MRPS31: variants seen among roughly 807,000 people sequenced by gnomAD.
The protein encoded by MRPS31 is small ribosomal subunit protein mS31.
A neutral mutation model predicts 43.1 loss-of-function variants in MRPS31; 32 were observed. The observed-to-expected ratio is 0.74, with a 90% confidence interval of 0.56 to 1.00. The LOEUF is 1.00. MRPS31 is among the 50% of genes least tolerant of loss of function. The probability of loss-of-function intolerance (pLI) is 0.00; values close to 1 mark genes in which losing one functional copy is unlikely to be tolerated. For missense variants in MRPS31, 437 were observed against 466.7 expected, an observed-to-expected ratio of 0.94 and a Z score of 0.59; for synonymous variants, 165 against 161.6, an observed-to-expected ratio of 1.02 and a Z score of -0.16.
intron 3 of MRPS31, among the ~76,000 whole-genome samples, chr13:40,757,264 G>A (rs376082203): frequency 7.9e-5 from 12 of 152,200 alleles, no homozygotes; most frequent in African/African-American, 2.9e-4. Flanking sequence ...AGTGTCTCAT[G>A]AAAAATTATT....
In MRPS31 at chr13:40,771,143, G is replaced by A. The variant is rs1352579289; in HGVS notation, c.-7C>T. On this transcript the variant is annotated 5_prime_UTR_variant, in exon 1 of 7. Transcript: ENST00000323563. Reference sequence around the variant, plus strand: ...TCGAGACTCTAGGAAACATCGCCGAGACACGAAATGAACCAAGAACACAAC... The same window carrying A: ...TCGAGACTCTAGGAAACATCGCCGAAACACGAAATGAACCAAGAACACAAC... 4 of 1,595,118 alleles carry A rather than the reference G, an allele frequency of 2.5e-6. No individual in the cohort carries two copies. Among genetic ancestry groups the A allele is most frequent in the Non-Finnish European group, 2.6e-6 (3 of 1,168,710 alleles).
chr13:40,769,286 G>T (rs1880934189), intron 1 of MRPS31, among the ~76,000 whole-genome samples: 1 of 149,026 alleles, frequency 6.7e-6, no homozygotes, highest in South Asian at 2.2e-4. Context: ...TGAGGCAGAA[G>T]AATCGCTTGA....
chr13:40,739,776 A>G (rs1212299983), intron 6 of MRPS31, among the ~76,000 whole-genome samples: 3 of 151,360 alleles, frequency 2.0e-5, no homozygotes, highest in Admixed American at 6.6e-5. Flanking sequence ...TACACCTTAT[A>G]CAAAAATCAA....
In MRPS31 at chr13:40,771,173, A is replaced by G. The variant is rs200023196; in HGVS notation, c.-37T>C. 369 of 1,558,564 alleles carry G rather than the reference A, an allele frequency of 2.4e-4. 1 individual carries two copies. The African/African-American group carries it at 3.9e-3, about 16-fold the overall frequency. ...GAAATGAACCAAGAACACAACTGAA[A>G]TGGTGCGTCCCGCTGCCAAACACGT... On this transcript the variant is annotated 5_prime_UTR_variant, in exon 1 of 7. Transcript: ENST00000323563.
intron 6 of MRPS31, among the ~76,000 whole-genome samples, chr13:40,735,841 C>G (rs1879884995): frequency 6.6e-6 from 1 of 150,704 alleles, no homozygotes; most frequent in Non-Finnish European, 1.5e-5. Context: ...AAAAACAGAA[C>G]AGAAAAACTG....
chr13:40,762,311 T>G (rs1339324780), intron 2 of MRPS31, among the ~76,000 whole-genome samples: 9 of 152,228 alleles, frequency 5.9e-5, no homozygotes, highest in Admixed American at 2.0e-4. Context: ...AGCAGTTCTA[T>G]CCTCTATGCC....
chr13:40,759,333 G>A lies in MRPS31; in HGVS notation c.441-227C>T, dbSNP rs183055267. Among the ~76,000 whole-genome samples, 324 of 152,246 alleles carry A rather than the reference G, an allele frequency of 2.1e-3. 1 individual carries two copies. The highest frequency in any genetic ancestry group is 7.6e-3 in the African/African-American group (315 of 41,534). On this transcript the variant is annotated intron_variant, in intron 2 of 6. Transcript: ENST00000323563. ...ACGCCTGTAAGTGCCGGCTACTCGG[G>A]AGGCTGAGGCAAGAGAATTGCTTAA...
At chr13:40,770,139 C>T (rs1321554136) in intron 1 of MRPS31, among the ~76,000 whole-genome samples, 3 of 152,208 alleles carry the variant, frequency 2.0e-5, no homozygotes, top group African/African-American at 7.2e-5. Flanking sequence ...CTATCTCTGA[C>T]TACCCTACCA....
chr13:40,757,611 AT>A (rs1351213246), intron 3 of MRPS31, among the ~76,000 whole-genome samples: 1 of 151,114 alleles, frequency 6.6e-6, no homozygotes, highest in Non-Finnish European at 1.5e-5. Flanking sequence ...TGCCAGGCTA[AT>A]TTTTTGTGTT....
intron 5 of MRPS31, among the ~76,000 whole-genome samples, chr13:40,753,633 G>A (rs1197785401): frequency 6.6e-6 from 1 of 152,150 alleles, no homozygotes; most frequent in African/African-American, 2.4e-5. Flanking sequence ...AAACATCCCA[G>A]GGCATACCTG....
At chr13:40,752,082 G>A (rs1446934703) in intron 5 of MRPS31, among the ~76,000 whole-genome samples, 1 of 151,674 alleles carries the variant, frequency 6.6e-6, no homozygotes, top group Non-Finnish European at 1.5e-5. Context: ...GGAGTGTAAT[G>A]GTACAATCTT....
At chr13:40,739,085 T>G (rs377705787) in intron 6 of MRPS31, among the ~76,000 whole-genome samples, 1 of 152,094 alleles carries the variant, frequency 6.6e-6, no homozygotes, top group Non-Finnish European at 1.5e-5. Flanking sequence ...GCAACTTCAG[T>G]AAAGTCTCAG....
intron 6 of MRPS31, among the ~76,000 whole-genome samples, chr13:40,738,295 A>G (rs1045369790): frequency 3.3e-5 from 5 of 152,188 alleles, no homozygotes; most frequent in Non-Finnish European, 7.3e-5. Context: ...GGCAATGATC[A>G]ATAGCTTACC....
chr13:40,758,898 G>A, intron 3 of MRPS31, 50 bp downstream of exon 3: 5 of 1,448,490 alleles, frequency 3.5e-6, no homozygotes, highest in Non-Finnish European at 4.5e-6. Flanking sequence ...TATGAAAATG[G>A]CCCATTTTGA....
At chr13:40,735,239 G>GGCGCACCAGATTATATC (rs1404697859) in intron 6 of MRPS31, among the ~76,000 whole-genome samples, 1 of 152,148 alleles carries the variant, frequency 6.6e-6, no homozygotes, top group East Asian at 1.9e-4. Context: ...CTTAAAAAAC[G>GGCGCACCAGATTATATC]GCGCACCAGA....
intron 6 of MRPS31, among the ~76,000 whole-genome samples, chr13:40,748,321 CTAATTTTGTATTTTTAGTA>C (rs1485660979): frequency 1.3e-5 from 2 of 152,274 alleles, no homozygotes; most frequent in African/African-American, 4.8e-5. Context: ...TTATGCCTGG[CTAATTTTGTATTTTTAGTA>C]GAGACGGTGT....
chr13:40,748,519 G>A (rs536696622), intron 6 of MRPS31, among the ~76,000 whole-genome samples: 1 of 152,278 alleles, frequency 6.6e-6, no homozygotes, highest in East Asian at 1.9e-4. Context: ...ATGACAACAT[G>A]GGTATCATAA....
intron 6 of MRPS31, chr13:40,731,152 G>A (rs1331694537): frequency 6.6e-6 from 1 of 152,106 alleles, no homozygotes; most frequent in Admixed American, 6.6e-5. Context: ...TACTTGAAAG[G>A]CTGAGGTGGG....
intron 1 of MRPS31, chr13:40,770,618 G>C (rs1880980078): frequency 3.4e-6 from 1 of 295,826 alleles, no homozygotes; most frequent in African/African-American, 2.3e-5. Flanking sequence ...TCTCACTTGG[G>C]GTTTACAACC....
Sources: allele counts gnomAD v4.1 joint callset (sites outside exome capture counted in the v4.1 genomes callset), GRCh38; gene constraint gnomAD v4.1.1; transcripts MANE v1.5; gene names NCBI Gene and HGNC (gene_info 2026-07-23, HGNC 2026-07-21).